XKR4: variants seen among roughly 807,000 people sequenced by gnomAD.
XKR4 encodes XK related 4.
XKR4 carries 12 observed loss-of-function variants against 53.9 expected under a neutral mutation model. That is an observed-to-expected ratio of 0.22 (90% confidence interval 0.14 to 0.36). The LOEUF is 0.36. Among genes scored for constraint, XKR4 ranks in the 10% least tolerant of loss-of-function variants. The pLI is 1.00. For synonymous variants in XKR4, 354 were observed against 362.4 expected (o/e 0.98, Z 0.26); for missense variants, 799 against 859.5 (o/e 0.93, Z 0.88).
At chr8:55,119,502 C>A (rs2129351825) in intron 1 of XKR4, among the ~76,000 whole-genome samples, 2 of 152,166 alleles carry the variant, frequency 1.3e-5, no homozygotes, top group Admixed American at 1.3e-4. Flanking sequence ...GAGAGAAGGA[C>A]AGCAGATGAG....
At chr8:55,246,366 C>G (rs922124263) in intron 1 of XKR4, among the ~76,000 whole-genome samples, 2 of 152,126 alleles carry the variant, frequency 1.3e-5, no homozygotes, top group African/African-American at 4.8e-5. Flanking sequence ...GAGCTTATCA[C>G]AAGGCAGTAT....
At chr8:55,490,486 C>T (rs10112479) in intron 2 of XKR4, among the ~76,000 whole-genome samples, 54,479 of 151,950 alleles carry the variant, frequency 0.36, 12,009 homozygotes, top group African/African-American at 0.64. Flanking sequence ...ATGACAGGAT[C>T]AATTGTACCC....
chr8:55,312,590 T>C (rs1051178553), intron 1 of XKR4, among the ~76,000 whole-genome samples: 25 of 152,218 alleles, frequency 1.6e-4, no homozygotes, highest in Non-Finnish European at 4.4e-5. Flanking sequence ...GAATGATCAT[T>C]GGAATTTAGC....
intron 2 of XKR4, among the ~76,000 whole-genome samples, chr8:55,410,701 C>T (rs1804764080): frequency 1.3e-5 from 2 of 152,082 alleles, no homozygotes; most frequent in African/African-American, 4.8e-5. Flanking sequence ...CCCAATCTCT[C>T]TTACCTAAAT....
intron 1 of XKR4, among the ~76,000 whole-genome samples, chr8:55,210,616 G>A (rs149267338): frequency 2.7e-4 from 41 of 152,334 alleles, no homozygotes; most frequent in African/African-American, 9.9e-4. Flanking sequence ...GGGATTTGAA[G>A]AAGCCCCATT....
At chr8:55,331,622 T>C (rs962710634) in intron 1 of XKR4, among the ~76,000 whole-genome samples, 1 of 152,188 alleles carries the variant, frequency 6.6e-6, no homozygotes, top group Non-Finnish European at 1.5e-5. Flanking sequence ...ATTTAGGAAG[T>C]CTGATGCTTG....
chr8:55,186,377 C>T (rs989892829), intron 1 of XKR4, among the ~76,000 whole-genome samples: 1 of 152,036 alleles, frequency 6.6e-6, no homozygotes, highest in South Asian at 2.1e-4. Context: ...AAATAGAGGC[C>T]GGGCGCTGTG....
At chr8:55,367,231 TTGTGTG>T (rs58010809) in intron 2 of XKR4, among the ~76,000 whole-genome samples, 2 of 150,454 alleles carry the variant, frequency 1.3e-5, no homozygotes, top group Admixed American at 6.6e-5. Context: ...ACATACATTA[TTGTGTG>T]TGTGTGTGTG....
intron 1 of XKR4, among the ~76,000 whole-genome samples, chr8:55,294,374 C>T (rs1341260973): frequency 6.6e-6 from 1 of 152,184 alleles, no homozygotes; most frequent in African/African-American, 2.4e-5. Context: ...ATGACATTAT[C>T]ACTTCTCAAG....
intron 2 of XKR4, among the ~76,000 whole-genome samples, chr8:55,434,166 T>C (rs1197753203): frequency 6.6e-6 from 1 of 152,238 alleles, no homozygotes; most frequent in Non-Finnish European, 1.5e-5. Flanking sequence ...TGACCACCTA[T>C]ATATACATTA....
rs141079666 is a variant in XKR4, at chr8:55,475,843, C to T, written c.1007-47438C>T. Among the ~76,000 whole-genome samples, 352 of 151,882 alleles carry T rather than the reference C, an allele frequency of 2.3e-3. 3 individuals are homozygous for T. Among genetic ancestry groups the T allele is most frequent in the African/African-American group, 8.0e-3 (331 of 41,362 alleles). On this transcript the variant is annotated intron_variant, in intron 2 of 2. Coordinates refer to ENST00000327381, the MANE Select transcript of XKR4 (RefSeq NM_052898.2). ...ATCTTGAACTCCTGACCTTGTGATC[C>T]ACCCTCCTCAGCCTCCCAAAGTGCT...
chr8:55,455,386 CAA>C (rs1271210595), intron 2 of XKR4, among the ~76,000 whole-genome samples: 8 of 152,118 alleles, frequency 5.3e-5, no homozygotes, highest in Non-Finnish European at 4.4e-5. Context: ...GCCCTCTTCG[CAA>C]AGACTACCTC....
chr8:55,389,872 G>A (rs1282477414), intron 2 of XKR4, among the ~76,000 whole-genome samples: 1 of 152,184 alleles, frequency 6.6e-6, no homozygotes, highest in Non-Finnish European at 1.5e-5. Flanking sequence ...CAGGTTCCTA[G>A]TGCCTACTGG....
Position 55,363,598 on chromosome 8 carries a change from C to T in XKR4, c.1006+5721C>T, listed in dbSNP as rs368611006. 9.3e-4 allele frequency among the ~76,000 whole-genome samples: 142 copies of T among 152,302 alleles called. 5 individuals carry two copies. In the South Asian group the frequency reaches 0.028, roughly 30 times the overall value. The stretch of plus-strand genomic sequence containing the variant: ...TGGCTTGCAACTTGCCCCACCTCAT[C>T]GCGAAGCAGGTGGAGACAGGTCCCA... On this transcript the variant is annotated intron_variant, in intron 2 of 2. Coordinates refer to ENST00000327381, the MANE Select transcript of XKR4 (RefSeq NM_052898.2).
At chr8:55,494,856 T>C (rs1196503789) in intron 2 of XKR4, among the ~76,000 whole-genome samples, 2 of 152,046 alleles carry the variant, frequency 1.3e-5, no homozygotes, top group African/African-American at 2.4e-5. Flanking sequence ...GCACTACAAG[T>C]TCCCCCTCTG....
At chr8:55,188,037 T>C (rs900052368) in intron 1 of XKR4, among the ~76,000 whole-genome samples, 1 of 152,232 alleles carries the variant, frequency 6.6e-6, no homozygotes. Flanking sequence ...AAAATAACTT[T>C]TGCCTAGTGC....
chr8:55,386,222 G>A lies in XKR4; in HGVS notation c.1006+28345G>A, dbSNP rs186162813. Among the ~76,000 whole-genome samples, 28 of 152,298 alleles carry A rather than the reference G, an allele frequency of 1.8e-4. No individual in the cohort carries two copies. In the East Asian group the frequency reaches 5.0e-3, roughly 27 times the overall value. ...GGGAGCCCTTCCTGGGATCAGGGGA[G>A]AGTCTTGCATCACCACCTCGTGAGT... On this transcript the variant is annotated intron_variant, in intron 2 of 2. Transcript: ENST00000327381.
intron 1 of XKR4, among the ~76,000 whole-genome samples, chr8:55,103,990 T>C (rs1392226955): frequency 6.6e-6 from 1 of 151,528 alleles, no homozygotes; most frequent in Non-Finnish European, 1.5e-5. Flanking sequence ...TAATTTCTCA[T>C]ATAATTACAA....
chr8:55,175,065 A>G (rs147820557), intron 1 of XKR4, among the ~76,000 whole-genome samples: 23 of 152,342 alleles, frequency 1.5e-4, no homozygotes, highest in Non-Finnish European at 2.6e-4. Flanking sequence ...GTTAAATGGT[A>G]TAATTCAAAA....
Sources: allele counts gnomAD v4.1 joint callset (sites outside exome capture counted in the v4.1 genomes callset), GRCh38; gene constraint gnomAD v4.1.1; transcripts MANE v1.5; gene names NCBI Gene and HGNC (gene_info 2026-07-23, HGNC 2026-07-21).